ROBO2: variants seen among roughly 807,000 people sequenced by gnomAD.
ROBO2 encodes roundabout homolog 2.
ROBO2 carries 53 observed loss-of-function variants against 160.8 expected under a neutral mutation model. The ratio of observed to expected loss-of-function variants is 0.33; its 90% confidence interval spans 0.26 to 0.41. The LOEUF is 0.41. Among genes scored for constraint, ROBO2 ranks in the 10% least tolerant of loss-of-function variants. The pLI, the probability that ROBO2 is intolerant of heterozygous loss-of-function variation, is 1.00. For synonymous variants in ROBO2, 664 were observed against 611.7 expected (o/e 1.09, Z -1.26); for missense variants, 1,577 against 1,722.4 (o/e 0.92, Z 1.49).
intron 2 of ROBO2, among the ~76,000 whole-genome samples, chr3:76,810,042 T>C (rs1251466017): frequency 6.6e-6 from 1 of 152,010 alleles, no homozygotes; most frequent in East Asian, 1.9e-4. Context: ...ACTGGAAAGA[T>C]TTAGAGTTCA....
At chr3:77,380,580 T>G (rs1465177971) in intron 2 of ROBO2, among the ~76,000 whole-genome samples, 1 of 152,088 alleles carries the variant, frequency 6.6e-6, no homozygotes, top group Non-Finnish European at 1.5e-5. Context: ...TGGTAGTGCT[T>G]TATTTTCTTA....
At chr3:77,562,352 T>G (rs1328006390) in intron 9 of ROBO2, among the ~76,000 whole-genome samples, 1 of 151,992 alleles carries the variant, frequency 6.6e-6, no homozygotes, top group East Asian at 1.9e-4. Flanking sequence ...AAAATGGAGT[T>G]AAGAGGTAAG....
intron 2 of ROBO2, among the ~76,000 whole-genome samples, chr3:76,194,951 A>C (rs1308089105): frequency 6.6e-6 from 1 of 152,172 alleles, no homozygotes; most frequent in Non-Finnish European, 1.5e-5. Context: ...GACTTTTGTC[A>C]ACATGCTAGC....
chr3:76,574,164 G>A (rs2085140365), intron 2 of ROBO2, among the ~76,000 whole-genome samples: 1 of 151,996 alleles, frequency 6.6e-6, no homozygotes, highest in African/African-American at 2.4e-5. Context: ...AATTAAGCAT[G>A]AAAAACTATG....
At chr3:76,927,392 A>G (rs748857926) in intron 2 of ROBO2, among the ~76,000 whole-genome samples, 8 of 152,322 alleles carry the variant, frequency 5.3e-5, no homozygotes, top group Non-Finnish European at 1.2e-4. Flanking sequence ...TTTCCATACA[A>G]TAAAAGCTCT....
chr3:76,877,450 G>A (rs1577200127), intron 2 of ROBO2, among the ~76,000 whole-genome samples: 1 of 152,258 alleles, frequency 6.6e-6, no homozygotes, highest in African/African-American at 2.4e-5. Context: ...GTTTTAGAAC[G>A]ATGAGTTTGG....
chr3:76,007,028 G>A (rs984367775), intron 2 of ROBO2, among the ~76,000 whole-genome samples: 4 of 151,942 alleles, frequency 2.6e-5, no homozygotes, highest in East Asian at 1.9e-4. Context: ...AAGGGACTAC[G>A]TAGCAGCTAC....
intron 2 of ROBO2, among the ~76,000 whole-genome samples, chr3:76,082,602 G>A: frequency 6.6e-6 from 1 of 152,090 alleles, no homozygotes; most frequent in East Asian, 1.9e-4. Context: ...CAAGCCTTTT[G>A]TCTTTACCTC....
chr3:76,732,457 G>A lies in ROBO2; in HGVS notation c.110-365557G>A, dbSNP rs577275431. On this transcript the variant is annotated intron_variant, in intron 2 of 26. Coordinates refer to the ROBO2 transcript ENST00000487694. Reference sequence around the variant, plus strand: ...AGATAACTGTTGCTGATGGGAGGTGGCAGGGTAGGAGGCAGCGTGTGGGAA... The same window carrying A: ...AGATAACTGTTGCTGATGGGAGGTGACAGGGTAGGAGGCAGCGTGTGGGAA... Among the ~76,000 whole-genome samples the A allele has an allele frequency of 8.9e-4, 135 of 152,268 alleles. No homozygotes were observed. The South Asian group carries it at 0.012, about 14-fold the overall frequency.
At chr3:76,456,011 A>C (rs535234762) in intron 2 of ROBO2, among the ~76,000 whole-genome samples, 10 of 152,306 alleles carry the variant, frequency 6.6e-5, no homozygotes, top group Admixed American at 5.9e-4. Context: ...CTTTGTGTTG[A>C]TAATAAGACA....
chr3:77,191,189 T>C (rs1163480752), intron 2 of ROBO2, among the ~76,000 whole-genome samples: 1 of 152,166 alleles, frequency 6.6e-6, no homozygotes, highest in Non-Finnish European at 1.5e-5. Flanking sequence ...TATTAATGAC[T>C]TACTGGGTGA....
intron 2 of ROBO2, among the ~76,000 whole-genome samples, chr3:77,204,874 C>T (rs2083263027): frequency 6.6e-6 from 1 of 152,198 alleles, no homozygotes; most frequent in African/African-American, 2.4e-5. Context: ...ATCAGCAGTT[C>T]AACTGAAACG....
chr3:77,617,687 C>G lies in ROBO2; in HGVS notation c.3468C>G (p.Ser1156=), dbSNP rs778809353. Residue 1156 remains serine, a synonymous_variant, in exon 22 of 26, where the codon TCC becomes TCG. Coordinates refer to ENST00000461745, the Ensembl canonical transcript of ROBO2. ...AGTCCACTGCAACTCTTACTCCATC[C>G]CCACGGGAAGAGATGCAACCCATGC... 3 of 1,613,948 alleles carry G rather than the reference C, an allele frequency of 1.9e-6. No homozygotes were observed. The African/African-American group carries it at 4.0e-5, about 22-fold the overall frequency.
chr3:77,244,433 G>A (rs956341624), intron 2 of ROBO2, among the ~76,000 whole-genome samples: 13 of 152,248 alleles, frequency 8.5e-5, no homozygotes, highest in African/African-American at 2.6e-4. Flanking sequence ...TTTAGCATGC[G>A]CAAAGTCAAA....
chr3:77,243,602 G>A (rs2089335080), intron 2 of ROBO2, among the ~76,000 whole-genome samples: 1 of 152,070 alleles, frequency 6.6e-6, no homozygotes, highest in Admixed American at 6.6e-5. Context: ...GAGATGCATT[G>A]GTGCTTCGCA....
chr3:76,146,399 T>C (rs998139999), intron 2 of ROBO2, among the ~76,000 whole-genome samples: 6 of 151,914 alleles, frequency 3.9e-5, no homozygotes, highest in Admixed American at 3.9e-4. Context: ...TCTCTACTCA[T>C]TTCTCAAGGT....
intron 2 of ROBO2, among the ~76,000 whole-genome samples, chr3:76,693,350 G>A (rs1248903565): frequency 6.7e-6 from 1 of 148,874 alleles, no homozygotes; most frequent in Non-Finnish European, 1.5e-5. Flanking sequence ...TATATATTTA[G>A]CATATATATG....
At chr3:77,201,991 G>A (rs1263116567) in intron 2 of ROBO2, among the ~76,000 whole-genome samples, 1 of 151,980 alleles carries the variant, frequency 6.6e-6, no homozygotes, top group Non-Finnish European at 1.5e-5. Flanking sequence ...CAAATTCCTA[G>A]GATTAAAACA....
intron 2 of ROBO2, among the ~76,000 whole-genome samples, chr3:76,977,057 T>C (rs4585239): frequency 6.6e-6 from 1 of 152,102 alleles, no homozygotes; most frequent in South Asian, 2.1e-4. Context: ...TGGCATCCTA[T>C]GTAAATGCTT....
Sources: allele counts gnomAD v4.1 joint callset (sites outside exome capture counted in the v4.1 genomes callset), GRCh38; gene constraint gnomAD v4.1.1; transcripts MANE v1.5; gene names NCBI Gene and HGNC (gene_info 2026-07-23, HGNC 2026-07-21).